Variants in USP34 observed in about 807,000 individuals in gnomAD.
USP34 encodes ubiquitin specific peptidase 34.
In USP34, 70 loss-of-function variants were observed where a neutral mutation model predicts 460.3. The observed-to-expected ratio is 0.15, with a 90% CI of 0.13 to 0.19. USP34 has a LOEUF of 0.19. Among genes scored for constraint, USP34 ranks in the 10% least tolerant of loss-of-function variants. The pLI, the probability that USP34 is intolerant of heterozygous loss-of-function variation, is 1.00. For missense variants in USP34, 3,985 were observed against 4,236.2 expected, an observed-to-expected ratio of 0.94 and a Z score of 1.65; for synonymous variants, 1,647 against 1,405.3, an observed-to-expected ratio of 1.17 and a Z score of -3.85.
At chr2:61,344,911 T>C (rs957716162) in intron 15 of USP34, among the ~76,000 whole-genome samples, 2 of 152,124 alleles carry the variant, frequency 1.3e-5, no homozygotes, top group African/African-American at 2.4e-5. Context: ...AGGCTCAGTA[T>C]AGTGGCAAAC....
intron 6 of USP34, among the ~76,000 whole-genome samples, chr2:61,382,281 C>CTACA (rs1692997048): frequency 6.6e-6 from 1 of 152,158 alleles, no homozygotes; most frequent in African/African-American, 2.4e-5. Context: ...TTACAGTGGC[C>CTACA]TACAAGGTCC....
At chr2:61,370,191 T>C in intron 10 of USP34, 130 bp downstream of exon 10, 4 of 879,140 alleles carry the variant, frequency 4.5e-6, no homozygotes, top group South Asian at 1.8e-5. Context: ...GGAAGCCAGA[T>C]TTCAGTCCCA....
At chr2:61,225,997 C>G (rs1687715084) in intron 62 of USP34, among the ~76,000 whole-genome samples, 1 of 152,054 alleles carries the variant, frequency 6.6e-6, no homozygotes, top group African/African-American at 2.4e-5. Flanking sequence ...CTATATTGCC[C>G]AAACTGGACT....
At chr2:61,435,016 CAA>C (rs540132831) in intron 1 of USP34, among the ~76,000 whole-genome samples, 47 of 152,118 alleles carry the variant, frequency 3.1e-4, no homozygotes, top group African/African-American at 1.1e-3. Context: ...AGAAATTCAA[CAA>C]AGAGGCCAAG....
chr2:61,379,611 G>C (rs180974323), intron 7 of USP34, among the ~76,000 whole-genome samples: 1 of 152,208 alleles, frequency 6.6e-6, no homozygotes, highest in Non-Finnish European at 1.5e-5. Flanking sequence ...TATTCATTCT[G>C]AGGGATAAAG....
Position 61,214,134 on chromosome 2 carries a change from G to C in USP34, c.8608C>G (p.Arg2870Gly), listed in dbSNP as rs762987771. ...LCCEQSPAFTRQLASHQNIQW... is the reference protein window; with the variant it reads ...LCCEQSPAFTGQLASHQNIQW... The stretch of plus-strand genomic sequence containing the variant: ...ATGTTCTGGTGAGAAGCCAGTTGTC[G>C]TGTGAATGCAGGAGACTGCTCACAG... Residue 2870 changes from arginine to glycine, a missense_variant, in exon 68 of 80, where the codon CGA becomes GGA. Around this residue, in one of 14 missense-constraint regions of USP34, gnomAD observed 66 missense variants for 121.2 expected, o/e 0.54. Coordinates refer to ENST00000398571, the MANE Select transcript of USP34 (RefSeq NM_014709.4). The C allele has an allele frequency of 6.2e-6, 10 of 1,614,090 alleles. No individual in the cohort carries two copies. The highest frequency in any genetic ancestry group is 1.3e-5 in the African/African-American group (1 of 74,906).
At chr2:61,365,235 G>C (rs758380186) in intron 10 of USP34, among the ~76,000 whole-genome samples, 14 of 147,718 alleles carry the variant, frequency 9.5e-5, no homozygotes, top group Admixed American at 4.7e-4. Context: ...CTGGGCAACA[G>C]AGCAAGACTC....
chr2:61,319,120 G>C (rs759701915), intron 22 of USP34, 53 bp downstream of exon 22: 3 of 1,484,302 alleles, frequency 2.0e-6, no homozygotes, highest in South Asian at 1.4e-5. Context: ...TATTTCAAGA[G>C]ATGAAAAAGG....
At chr2:61,207,130 C>A in intron 70 of USP34, 1 of 316,400 alleles carries the variant, frequency 3.2e-6, no homozygotes, top group Non-Finnish European at 5.7e-6. Flanking sequence ...ATAGTTTAAT[C>A]ACATTTTTTT....
chr2:61,363,867 A>G (rs1354353234), intron 10 of USP34, among the ~76,000 whole-genome samples: 1 of 152,250 alleles, frequency 6.6e-6, no homozygotes, highest in South Asian at 2.1e-4. Flanking sequence ...TAGTCATAAA[A>G]GGAATGAAAT....
rs1688749585 is a variant in USP34, at chr2:61,257,452, C to T, written c.5845-102G>A. The T allele has an allele frequency of 6.5e-6, 6 of 923,802 alleles. 1 individual carries two copies. In the East Asian group the frequency reaches 1.8e-4, roughly 27 times the overall value. 57.2% of individuals were successfully genotyped at this position (923,802 alleles called of 1,614,324 possible). A position where few individuals can be genotyped will look rare whatever the true frequency, so the allele number is the denominator to read the frequency against. On this transcript the variant is annotated intron_variant, in intron 44 of 79. Coordinates refer to ENST00000398571, the MANE Select transcript of USP34 (RefSeq NM_014709.4). ...AAAAACAAAAGAACAGGTAGTAAAT[C>T]TACTAAGTTAGTTTTAAATGGTTGC...
In USP34 at chr2:61,246,374, A is replaced by G. The variant is rs747254015; in HGVS notation, c.6498T>C (p.Tyr2166=). 4.3e-6 allele frequency: 7 copies of G among 1,610,506 alleles called. No homozygotes were observed. Among genetic ancestry groups the G allele is most frequent in the Admixed American group, 1.7e-5 (1 of 59,668 alleles). The change falls in exon 50 of 80, where the codon TAT becomes TAC. Residue 2166 remains tyrosine (Y), a synonymous_variant. Coordinates refer to ENST00000398571, the MANE Select transcript of USP34 (RefSeq NM_014709.4). ...GATTTACTATATCTCTGATAAAGCT[A>G]TAATAGTGTCCACCATCTGCCGTTC... The part of the protein sequence containing the change: ...HTGTADGGHY[Y]SFIRDIVNPH...
In USP34 at chr2:61,348,881, G is replaced by A. The variant is rs547831641; in HGVS notation, c.1549C>T (p.Pro517Ser). The change falls in exon 14 of 80, where the codon CCT (proline) becomes TCT (serine). Residue 517 changes from proline (P) to serine (S), a missense_variant. Transcript: ENST00000398571. The stretch of plus-strand genomic sequence containing the variant: ...TCACTGCTTTGAGGACTAGCTGCAG[G>A]TGACCCTATATAAAATACATTTTTT... ...LRRTAPSPWS[P>S]AASPQSSDNS... The A allele has an allele frequency of 1.2e-6, 2 of 1,608,302 alleles. No homozygotes were observed. The highest frequency in any genetic ancestry group is 4.5e-5 in the East Asian group (2 of 44,794).
intron 6 of USP34, among the ~76,000 whole-genome samples, chr2:61,380,738 C>T (rs912937090): frequency 1.3e-5 from 2 of 152,202 alleles, no homozygotes; most frequent in Non-Finnish European, 2.9e-5. Flanking sequence ...ATAGACATGA[C>T]ATAAGTGGAA....
At chr2:61,319,348 T>G in intron 21 of USP34, 21 bp from the exon 22 acceptor site, 1 of 1,479,934 alleles carries the variant, frequency 6.8e-7, no homozygotes, top group South Asian at 1.5e-5. Context: ...ATTATAAATT[T>G]TATACTTTAT....
At chr2:61,424,327 G>C (rs922501082) in intron 1 of USP34, among the ~76,000 whole-genome samples, 1 of 152,052 alleles carries the variant, frequency 6.6e-6, no homozygotes, top group Non-Finnish European at 1.5e-5. Flanking sequence ...GTATAGAAAA[G>C]GTACAGTAAA....
chr2:61,313,038 C>A (rs535676578), intron 25 of USP34, among the ~76,000 whole-genome samples: 1 of 152,168 alleles, frequency 6.6e-6, no homozygotes, highest in Admixed American at 6.5e-5. Context: ...GCACTAAGCA[C>A]ATCAAGAACA....
intron 8 of USP34, 54 bp downstream of exon 8, chr2:61,378,309 A>T: frequency 7.7e-7 from 1 of 1,303,082 alleles, no homozygotes; most frequent in Non-Finnish European, 1.1e-6. Context: ...TTACCATATA[A>T]ACAACTGTAC....
At chr2:61,230,185 A>T (rs2103829488) in intron 58 of USP34, among the ~76,000 whole-genome samples, 2 of 152,340 alleles carry the variant, frequency 1.3e-5, no homozygotes, top group South Asian at 4.1e-4. Flanking sequence ...GTGAAATTAG[A>T]ACACTTATAT....
Sources: gnomAD v4.1 joint callset for allele counts (sites outside exome capture counted in the v4.1 genomes callset) on GRCh38, gnomAD v4.1.1 for gene constraint, gnomAD v4.1.1 regional missense constraint, MANE v1.5 for transcripts, NCBI Gene and HGNC (gene_info 2026-07-23, HGNC 2026-07-21) for gene names.